The following TBC1D30 variants were observed in gnomAD, a reference collection of about 807,000 sequenced individuals.
The protein encoded by TBC1D30 is TBC1 domain family member 30.
Under a neutral mutation model 63.2 loss-of-function variants are expected in TBC1D30, and 31 were observed. The observed-to-expected ratio is 0.49, with a 90% confidence interval of 0.37 to 0.66. The LOEUF (loss-of-function observed/expected upper bound fraction) is 0.66. Ranked by LOEUF, TBC1D30 falls within the 30% of genes least tolerant of loss-of-function variation. TBC1D30 has a pLI of 0.00. For synonymous variants in TBC1D30, 307 were observed against 361.5 expected (o/e 0.85, Z 1.71); for missense variants, 810 against 953.6 (o/e 0.85, Z 1.98).
chr12:64,806,653 G>C (rs751279290), intron 2 of TBC1D30, among the ~76,000 whole-genome samples: 1 of 152,312 alleles, frequency 6.6e-6, no homozygotes, highest in Non-Finnish European at 1.5e-5. Context: ...ATTGCCATGT[G>C]ATCCAGCAAA....
intron 8 of TBC1D30, among the ~76,000 whole-genome samples, chr12:64,852,979 T>A (rs945763838): frequency 6.6e-6 from 1 of 152,238 alleles, no homozygotes; most frequent in Middle Eastern, 3.4e-3. Flanking sequence ...GGGCCCCACT[T>A]GAGGAGGCAG....
At chr12:64,770,568 C>T (rs978788327) in intron 1 of TBC1D30, among the ~76,000 whole-genome samples, 3 of 152,176 alleles carry the variant, frequency 2.0e-5, no homozygotes, top group African/African-American at 7.2e-5. Context: ...CCCATGACTG[C>T]CCTTAGGTGT....
intron 7 of TBC1D30, among the ~76,000 whole-genome samples, chr12:64,842,532 G>A (rs991580962): frequency 1.3e-5 from 2 of 152,158 alleles, no homozygotes; most frequent in African/African-American, 4.8e-5. Context: ...GCAAGAAGAG[G>A]TGTAATCTCC....
chr12:64,782,081 T>C (rs967925178), intron 1 of TBC1D30, among the ~76,000 whole-genome samples: 1 of 152,146 alleles, frequency 6.6e-6, no homozygotes, highest in African/African-American at 2.4e-5. Context: ...ACACTTTTTT[T>C]TTTCATCTGG....
intron 2 of TBC1D30, among the ~76,000 whole-genome samples, chr12:64,815,232 T>C (rs1873450986): frequency 6.6e-6 from 1 of 152,240 alleles, no homozygotes; most frequent in African/African-American, 2.4e-5. Context: ...CAATGCCAAT[T>C]CTCTTTACAC....
chr12:64,791,889 G>A (rs538728075), intron 2 of TBC1D30, among the ~76,000 whole-genome samples: 39 of 152,072 alleles, frequency 2.6e-4, no homozygotes, highest in African/African-American at 7.7e-4. Flanking sequence ...TTGGCCTGTA[G>A]GAAGGTTTTA....
chr12:64,815,746 T>C (rs1313689328), intron 2 of TBC1D30, among the ~76,000 whole-genome samples: 1 of 152,218 alleles, frequency 6.6e-6, no homozygotes, highest in Non-Finnish European at 1.5e-5. Flanking sequence ...TCTTGAACTC[T>C]TAAACAATGA....
chr12:64,863,293 C>T (rs551475781), intron 8 of TBC1D30, among the ~76,000 whole-genome samples: 1 of 152,280 alleles, frequency 6.6e-6, no homozygotes, highest in Non-Finnish European at 1.5e-5. Flanking sequence ...CTGAGTTTCA[C>T]ACCCTTTATT....
chr12:64,843,472 A>G lies in TBC1D30; in HGVS notation c.1025A>G (p.His342Arg). Residue 342 changes from histidine to arginine, a missense_variant, in exon 8 of 12, where the codon CAT becomes CGT. This residue lies in a region of TBC1D30 where 83 missense variants were observed against 121.5 expected (regional missense o/e 0.68). Transcript: ENST00000539867. ...CTAGAGAATGATCTTCTGCAAAGCC[A>G]TGAACTCATGCAGGTGAGTCGGCAA... ...EMLENDLLQS[H>R]ELMQTVYSMA... is the part of the protein sequence containing the mutation. 6.5e-7 allele frequency: 1 copy of G among 1,536,110 alleles called. No individual in the cohort carries two copies. The highest frequency in any genetic ancestry group is 2.4e-5 in the East Asian group (1 of 40,916).
intron 9 of TBC1D30, among the ~76,000 whole-genome samples, chr12:64,865,559 G>GA (rs1041187338): frequency 5.9e-5 from 9 of 151,996 alleles, no homozygotes; most frequent in Admixed American, 5.9e-4. Flanking sequence ...AAATCGATAA[G>GA]AAAATGGCCA....
exon 1 of TBC1D30, chr12:64,781,003 G>C (rs1213430727): frequency 1.9e-6 from 2 of 1,041,002 alleles, no homozygotes; most frequent in Non-Finnish European, 2.3e-6. Context: ...ATGAGGACAC[G>C]GAGCCCGGCG....
At chr12:64,775,335 C>T (rs926649341) in intron 1 of TBC1D30, among the ~76,000 whole-genome samples, 1 of 151,946 alleles carries the variant, frequency 6.6e-6, no homozygotes, top group Non-Finnish European at 1.5e-5. Flanking sequence ...CACAGAATGG[C>T]AAGTTGGATA....
chr12:64,829,992 T>C (rs934526306), intron 3 of TBC1D30, among the ~76,000 whole-genome samples: 1 of 152,250 alleles, frequency 6.6e-6, no homozygotes, highest in African/African-American at 2.4e-5. Flanking sequence ...AGTGACCAGA[T>C]GGCTCTTGCC....
intron 1 of TBC1D30, among the ~76,000 whole-genome samples, chr12:64,761,350 C>T (rs1173823191): frequency 1.3e-5 from 2 of 152,020 alleles, no homozygotes; most frequent in East Asian, 1.9e-4. Context: ...CTGTCAGAGG[C>T]GATTGAACCA....
chr12:64,840,175 A>G (rs1875746847), intron 7 of TBC1D30, among the ~76,000 whole-genome samples: 3 of 151,938 alleles, frequency 2.0e-5, no homozygotes, highest in African/African-American at 2.4e-5. Flanking sequence ...TTGGTGTGCT[A>G]TTTACTTATC....
At chr12:64,836,726 T>C (rs1307747536) in intron 6 of TBC1D30, 68 bp downstream of exon 6, 1 of 1,333,062 alleles carries the variant, frequency 7.5e-7, no homozygotes, top group African/African-American at 1.5e-5. Flanking sequence ...CAAATGAGCC[T>C]AAACATTGAA....
At chr12:64,840,381 T>C (rs181181689) in intron 7 of TBC1D30, among the ~76,000 whole-genome samples, 1 of 152,352 alleles carries the variant, frequency 6.6e-6, no homozygotes, top group East Asian at 1.9e-4. Flanking sequence ...GTGTTGGTTC[T>C]TCATGAAGGA....
At chr12:64,826,888 C>G (rs1227691498) in intron 1 of TBC1D30, among the ~76,000 whole-genome samples, 5 of 152,066 alleles carry the variant, frequency 3.3e-5, no homozygotes, top group African/African-American at 9.7e-5. Context: ...ACATCTCTTT[C>G]CAGCTTCTTG....
rs181293696 is a variant in TBC1D30, at chr12:64,860,988, G to T, written c.1039-3680G>T. 1.8e-3 allele frequency among the ~76,000 whole-genome samples: 277 copies of T among 152,326 alleles called. 1 individual carries two copies. The highest frequency in any genetic ancestry group is 6.5e-3 in the African/African-American group (272 of 41,582). On this transcript the variant is annotated intron_variant, in intron 8 of 11. Transcript: ENST00000539867. ...CAGTTTAAACGTTGCCAGAAGGAAT[G>T]AGATGTGTTGGATGCCATCTTTGTC...
Sources: gnomAD v4.1 joint callset for allele counts (sites outside exome capture counted in the v4.1 genomes callset) on GRCh38, gnomAD v4.1.1 for gene constraint, gnomAD v4.1.1 regional missense constraint, MANE v1.5 for transcripts, NCBI Gene and HGNC (gene_info 2026-07-23, HGNC 2026-07-21) for gene names.